The following UTRN variants were observed in gnomAD, a reference collection of about 807,000 sequenced individuals.
The protein encoded by UTRN is dystrophin-related protein 1.
UTRN carries 283 observed loss-of-function variants against 463.9 expected under a neutral mutation model. That is an observed-to-expected ratio of 0.61 (90% CI 0.55 to 0.67). The LOEUF (loss-of-function observed/expected upper bound fraction) is 0.67, where lower values mean the gene tolerates loss of function less well. Among genes scored for constraint, UTRN ranks in the 30% least tolerant of loss-of-function variants. UTRN has a pLI of 0.00. For synonymous variants in UTRN, 1,442 were observed against 1,431.5 expected, an observed-to-expected ratio of 1.01 and a Z score of -0.17; for missense variants, 3,922 against 4,084.3, an observed-to-expected ratio of 0.96 and a Z score of 1.08.
At chr6:144,496,906 A>C (rs1198213956) in intron 33 of UTRN, among the ~76,000 whole-genome samples, 2 of 152,186 alleles carry the variant, frequency 1.3e-5, no homozygotes, top group African/African-American at 4.8e-5. Flanking sequence ...AAAACAGTAT[A>C]TATAAAAGCT....
At chr6:144,823,897 A>G (rs914865968) in intron 66 of UTRN, among the ~76,000 whole-genome samples, 2 of 152,176 alleles carry the variant, frequency 1.3e-5, no homozygotes, top group Non-Finnish European at 2.9e-5. Context: ...GAGTTTAAAG[A>G]TTTTTTTAAG....
chr6:144,365,670 G>A (rs1220295660), intron 2 of UTRN, among the ~76,000 whole-genome samples: 3 of 152,218 alleles, frequency 2.0e-5, no homozygotes, highest in Admixed American at 6.5e-5. Flanking sequence ...AAGAAGTTCA[G>A]AGATTACTTA....
At chr6:144,539,951 G>A (rs1448254636) in intron 45 of UTRN, among the ~76,000 whole-genome samples, 2 of 151,072 alleles carry the variant, frequency 1.3e-5, no homozygotes, top group African/African-American at 4.9e-5. Flanking sequence ...GCCGAGGCAC[G>A]AGAATTGCCT....
intron 71 of UTRN, 135 bp downstream of exon 71, chr6:144,836,676 C>T: frequency 3.0e-6 from 4 of 1,354,932 alleles, no homozygotes; most frequent in Non-Finnish European, 3.9e-6. Context: ...TTCAGACTGG[C>T]TTAGAAATTT....
At chr6:144,689,927 G>T (rs1364429126) in intron 52 of UTRN, among the ~76,000 whole-genome samples, 1 of 151,842 alleles carries the variant, frequency 6.6e-6, no homozygotes, top group African/African-American at 2.4e-5. Context: ...GAGTGAGTCA[G>T]TTGGCCTCCA....
intron 33 of UTRN, among the ~76,000 whole-genome samples, chr6:144,498,984 T>G (rs1283656855): frequency 2.0e-5 from 3 of 152,118 alleles, no homozygotes; most frequent in Admixed American, 2.0e-4. Flanking sequence ...CATACCAATC[T>G]TTTGAGGGCT....
Position 144,396,061 on chromosome 6 carries a change from C to T in UTRN, c.80-7062C>T, listed in dbSNP as rs145408490. 3.2e-3 allele frequency among the ~76,000 whole-genome samples: 490 copies of T among 152,266 alleles called. 1 individual carries two copies. Among genetic ancestry groups the T allele is most frequent in the African/African-American group, 0.01 (427 of 41,554 alleles). The stretch of plus-strand genomic sequence containing the variant: ...CACCCAAAGGAACTGAAATCGGGAA[C>T]TCAGATACTTGTACACCAGTGTTCA... On this transcript the variant is annotated intron_variant, in intron 2 of 74. Transcript: ENST00000367545.
intron 50 of UTRN, among the ~76,000 whole-genome samples, chr6:144,559,662 C>T (rs1016216714): frequency 1.3e-5 from 2 of 152,050 alleles, no homozygotes; most frequent in African/African-American, 4.8e-5. Context: ...GTTTCTCAAC[C>T]TTTCTTTACA....
intron 58 of UTRN, among the ~76,000 whole-genome samples, chr6:144,759,648 C>A (rs1792424186): frequency 6.6e-6 from 1 of 152,056 alleles, no homozygotes; most frequent in Non-Finnish European, 1.5e-5. Context: ...TTAATGTAAT[C>A]CCAGGGGCCT....
chr6:144,493,010 A>T (rs1313721729), intron 32 of UTRN, among the ~76,000 whole-genome samples: 2 of 152,202 alleles, frequency 1.3e-5, no homozygotes, highest in Admixed American at 6.5e-5. Context: ...TTCCCATTTT[A>T]TGTAGGAAAA....
intron 9 of UTRN, among the ~76,000 whole-genome samples, chr6:144,430,070 A>T (rs1785658322): frequency 6.6e-6 from 1 of 152,136 alleles, no homozygotes; most frequent in Non-Finnish European, 1.5e-5. Context: ...TGTGCTAAAG[A>T]TGGTTTTTCT....
intron 53 of UTRN, among the ~76,000 whole-genome samples, chr6:144,710,726 A>C (rs999549557): frequency 6.6e-6 from 1 of 152,220 alleles, no homozygotes; most frequent in African/African-American, 2.4e-5. Context: ...CTTTTCTGAT[A>C]GTTTTGATCA....
intron 60 of UTRN, among the ~76,000 whole-genome samples, chr6:144,775,348 A>G (rs532165492): frequency 4.8e-4 from 73 of 152,302 alleles, no homozygotes; most frequent in African/African-American, 1.5e-3. Context: ...AGCTTAAGCT[A>G]TGTATGGAAG....
At chr6:144,293,219 C>T (rs73593325) in intron 2 of UTRN, among the ~76,000 whole-genome samples, 4,566 of 152,040 alleles carry the variant, frequency 0.03, 215 homozygotes, top group African/African-American at 0.1. Flanking sequence ...GGAAGAGAGA[C>T]GATTTAATGT....
rs1179085803 is a variant in UTRN, at chr6:144,285,794, G to C, written c.-120G>C. The C allele has an allele frequency of 6.6e-6, 1 of 152,304 alleles. No individual in the cohort carries two copies. Among genetic ancestry groups the C allele is most frequent in the Non-Finnish European group, 1.5e-5 (1 of 68,372 alleles). 9.4% of individuals were successfully genotyped at this position (152,304 alleles called of 1,614,324 possible). A position where few individuals can be genotyped will look rare whatever the true frequency, so the allele number is the denominator to read the frequency against. ...AGCTCGGGGTGCGGCGGTGGCGACC[G>C]GCAGGCGAGGAGGCCCGCGGGCAGC... On this transcript the variant is annotated 5_prime_UTR_variant, in exon 1 of 75. Transcript: ENST00000367545.
chr6:144,671,030 A>G lies in UTRN; in HGVS notation c.7480-7376A>G, dbSNP rs145234370. On this transcript the variant is annotated intron_variant, in intron 51 of 74. Transcript: ENST00000367545. ...TATACCAGTACCATGCTCTTTTGGT[A>G]ACTATAGCCTTGTAGTATAGTTTGA... Among the ~76,000 whole-genome samples the G allele has an allele frequency of 6.2e-3, 940 of 152,170 alleles. 7 individuals carry two copies. The highest frequency in any genetic ancestry group is 0.022 in the African/African-American group (906 of 41,530).
intron 39 of UTRN, among the ~76,000 whole-genome samples, chr6:144,517,516 C>T (rs1158863125): frequency 6.6e-6 from 1 of 151,964 alleles, no homozygotes; most frequent in African/African-American, 2.4e-5. Context: ...CTTTTTTAAA[C>T]GGCAATCTTT....
chr6:144,486,203 G>A (rs1792431494), intron 28 of UTRN, among the ~76,000 whole-genome samples: 1 of 152,210 alleles, frequency 6.6e-6, no homozygotes, highest in African/African-American at 2.4e-5. Context: ...TGGACAACTG[G>A]ATTAAAGGTC....
At chr6:144,462,089 T>A (rs1397606146) in intron 22 of UTRN, among the ~76,000 whole-genome samples, 1 of 152,136 alleles carries the variant, frequency 6.6e-6, no homozygotes, top group Non-Finnish European at 1.5e-5. Context: ...GACCCCAGTG[T>A]GTGTTTTTCC....
Sources: allele counts gnomAD v4.1 joint callset (sites outside exome capture counted in the v4.1 genomes callset), GRCh38; gene constraint gnomAD v4.1.1; transcripts MANE v1.5; gene names NCBI Gene and HGNC (gene_info 2026-07-23, HGNC 2026-07-21).